Variants in IL1RAPL2 observed in about 807,000 individuals in gnomAD.
IL1RAPL2 encodes X-linked interleukin-1 receptor accessory protein-like 2.
A neutral mutation model predicts 44.1 loss-of-function variants in IL1RAPL2; 3 were observed. The ratio of observed to expected loss-of-function variants is 0.07; its 90% confidence interval spans 0.03 to 0.18. The LOEUF is 0.18. Among genes scored for constraint, IL1RAPL2 ranks in the 10% least tolerant of loss-of-function variants. The pLI is 1.00. For missense variants in IL1RAPL2, 391 were observed against 496.4 expected, an observed-to-expected ratio of 0.79 and a Z score of 2.02; for synonymous variants, 181 against 178.8, an observed-to-expected ratio of 1.01 and a Z score of -0.10.
intron 1 of IL1RAPL2, among the ~76,000 whole-genome samples, chrX:104,658,678 C>A (rs1461497318): frequency 8.9e-6 from 1 of 112,127 alleles, no homozygotes; most frequent in East Asian, 2.8e-4. Context: ...CACTCTAAAT[C>A]CAGTGGGAAG....
intron 2 of IL1RAPL2, among the ~76,000 whole-genome samples, chrX:104,719,991 A>T (rs1931645402): frequency 9.0e-6 from 1 of 111,473 alleles, no homozygotes; most frequent in African/African-American, 3.3e-5. Flanking sequence ...GGTATACAAG[A>T]ACTGTGGAGA....
rs754117111 is a variant in IL1RAPL2, at chrX:104,982,002, G to A, written c.83-213473G>A. Among the ~76,000 whole-genome samples the A allele has an allele frequency of 4.3e-3, 473 of 110,085 alleles. 2 individuals are homozygous for A. The highest frequency in any genetic ancestry group is 0.015 in the African/African-American group (447 of 30,275). ...GGGGCCTACTTGAGGGTGGAGGGTG[G>A]GAGGATGGTAAAGATAAAAAAACTA... On this transcript the variant is annotated intron_variant, in intron 2 of 10. Transcript: ENST00000372582.
intron 2 of IL1RAPL2, among the ~76,000 whole-genome samples, chrX:105,073,148 C>G (rs1255094739): frequency 8.8e-5 from 9 of 102,714 alleles, no homozygotes; most frequent in Admixed American, 2.1e-4. Flanking sequence ...TACCCATTAA[C>G]TCATCATTTA....
At chrX:105,342,271 G>A (rs2035077414) in intron 5 of IL1RAPL2, among the ~76,000 whole-genome samples, 1 of 110,187 alleles carries the variant, frequency 9.1e-6, no homozygotes, top group African/African-American at 3.3e-5. Context: ...TAACAAACCT[G>A]CACGTTGTGC....
chrX:105,632,434 C>T (rs1423197791), intron 6 of IL1RAPL2, among the ~76,000 whole-genome samples: 1 of 111,303 alleles, frequency 9.0e-6, no homozygotes, highest in East Asian at 2.9e-4. Flanking sequence ...AAATGTTCCT[C>T]TTCTATCAGT....
chrX:104,707,530 C>A (rs73635158), intron 2 of IL1RAPL2, among the ~76,000 whole-genome samples: 388 of 111,675 alleles, frequency 3.5e-3, no homozygotes, highest in African/African-American at 0.012. Flanking sequence ...ATTTTCAATA[C>A]CTTTTAATAA....
chrX:105,294,776 T>G (rs776605426), intron 5 of IL1RAPL2, among the ~76,000 whole-genome samples: 1 of 112,134 alleles, frequency 8.9e-6, no homozygotes, highest in East Asian at 2.8e-4. Flanking sequence ...TGAGCACATT[T>G]CAGGCACTAT....
intron 2 of IL1RAPL2, among the ~76,000 whole-genome samples, chrX:105,070,729 ATGTGTGTGTG>A (rs746238792): frequency 5.7e-5 from 6 of 104,796 alleles, no homozygotes; most frequent in South Asian, 4.1e-4. Flanking sequence ...ATATATATTT[ATGTGTGTGTG>A]TGTGTGTGTG....
chrX:105,667,934 C>T (rs1296578020), intron 6 of IL1RAPL2, among the ~76,000 whole-genome samples: 2 of 110,213 alleles, frequency 1.8e-5, no homozygotes, highest in Non-Finnish European at 3.8e-5. Context: ...AACTAACATG[C>T]ATCTTTCCTA....
intron 2 of IL1RAPL2, among the ~76,000 whole-genome samples, chrX:104,677,818 G>C (rs779586880): frequency 8.9e-6 from 1 of 111,885 alleles, no homozygotes; most frequent in South Asian, 3.8e-4. Context: ...TTTTAAGCTC[G>C]TCGGAAAAGC....
At chrX:104,616,315 C>T (rs1382366492) in intron 1 of IL1RAPL2, among the ~76,000 whole-genome samples, 1 of 112,273 alleles carries the variant, frequency 8.9e-6, no homozygotes, top group Non-Finnish European at 1.9e-5. Flanking sequence ...ACTTAATCAA[C>T]TCCATGTTGC....
intron 5 of IL1RAPL2, among the ~76,000 whole-genome samples, chrX:105,363,295 T>TATATATATATA (rs1468175386): frequency 2.5e-5 from 2 of 79,763 alleles, no homozygotes; most frequent in African/African-American, 1.6e-4. Flanking sequence ...ATATAATATA[T>TATATATATATA]ATATATATAT....
intron 2 of IL1RAPL2, among the ~76,000 whole-genome samples, chrX:104,949,899 T>A (rs1250678408): frequency 1.3e-4 from 14 of 111,485 alleles, no homozygotes; most frequent in Admixed American, 9.5e-4. Flanking sequence ...TATTCTGTTT[T>A]TTTGGGGTGG....
At chrX:105,612,802 C>G (rs2037346486) in intron 6 of IL1RAPL2, among the ~76,000 whole-genome samples, 1 of 111,996 alleles carries the variant, frequency 8.9e-6, no homozygotes, top group African/African-American at 3.2e-5. Context: ...TTTAAACCAG[C>G]CTTTGCTAGA....
chrX:104,776,576 A>G (rs1932723259), intron 2 of IL1RAPL2, among the ~76,000 whole-genome samples: 2 of 111,956 alleles, frequency 1.8e-5, no homozygotes, highest in African/African-American at 6.5e-5. Flanking sequence ...GAAGCACATG[A>G]AAGCTCCTCA....
intron 5 of IL1RAPL2, among the ~76,000 whole-genome samples, chrX:105,447,809 TA>T (rs2035981933): frequency 2.3e-5 from 2 of 87,943 alleles, no homozygotes; most frequent in Non-Finnish European, 4.1e-5. Flanking sequence ...ATTATACATA[TA>T]AATATATAAA....
In IL1RAPL2 at chrX:105,733,327, A is replaced by T. The variant is rs367764998; in HGVS notation, c.903-7219A>T. Among the ~76,000 whole-genome samples, 3 of 111,355 alleles carry T rather than the reference A, an allele frequency of 2.7e-5. No homozygotes were observed. In the East Asian group the frequency reaches 8.5e-4, roughly 32 times the overall value. ...TTTGTCTTTAATTTTATGCAGTTAG[A>T]AAATGATATGCCTAGGTGTAGGTTT... On this transcript the variant is annotated intron_variant, in intron 7 of 10. Transcript: ENST00000372582.
chrX:105,548,495 C>T (rs1311810544), intron 6 of IL1RAPL2, among the ~76,000 whole-genome samples: 1 of 111,763 alleles, frequency 8.9e-6, no homozygotes, highest in Non-Finnish European at 1.9e-5. Flanking sequence ...ATAGCTGGAG[C>T]AAAGTGAACA....
intron 2 of IL1RAPL2, among the ~76,000 whole-genome samples, chrX:104,920,027 A>G (rs756043946): frequency 9.0e-5 from 10 of 111,169 alleles, no homozygotes; most frequent in African/African-American, 3.3e-4. Flanking sequence ...TGTCTACACA[A>G]CTCAGAAGTG....
Sources: allele counts gnomAD v4.1 joint callset (sites outside exome capture counted in the v4.1 genomes callset), GRCh38; gene constraint gnomAD v4.1.1; transcripts MANE v1.5; gene names NCBI Gene and HGNC (gene_info 2026-07-23, HGNC 2026-07-21).